RECQL: variants seen among roughly 807,000 people sequenced by gnomAD.
RECQL encodes the protein RecQ like helicase.
RECQL carries 73 observed loss-of-function variants against 75.8 expected under a neutral mutation model. The observed-to-expected ratio is 0.96, with a 90% confidence interval of 0.80 to 1.17. The LOEUF (loss-of-function observed/expected upper bound fraction) is 1.17. Ranked by LOEUF, RECQL falls within the 50% of genes most tolerant of loss-of-function variation. The pLI is 0.00. For missense variants in RECQL, 699 were observed against 772.1 expected (o/e 0.91, Z 1.12); for synonymous variants, 248 against 254.4 (o/e 0.97, Z 0.24).
At position 21,477,008 on chromosome 12, in the gene RECQL, C is replaced by G; in HGVS notation, c.868-16G>C. The G allele has an allele frequency of 1.3e-6, 2 of 1,590,070 alleles. No individual in the cohort carries two copies. The highest frequency in any genetic ancestry group is 2.3e-5 in the South Asian group (2 of 87,782). On this transcript the variant is annotated splice_polypyrimidine_tract_variant and intron_variant, in intron 7 of 14. Coordinates refer to ENST00000444129, the MANE Select transcript of RECQL (RefSeq NM_002907.4). ...TCTGCCGAACCTAAAAAAAACTTAA[C>G]TTATTAAAAAGTAAATGAATGAGTA...
In RECQL at chr12:21,474,908, C is replaced by T; in HGVS notation, c.1288G>A (p.Val430Met). 6.2e-7 allele frequency: 1 copy of T among 1,613,138 alleles called. No homozygotes were observed. Among genetic ancestry groups the T allele is most frequent in the Non-Finnish European group, 8.5e-7 (1 of 1,179,186 alleles). The change falls in exon 11 of 15, where the codon GTG becomes ATG. Residue 430 changes from valine (V) to methionine (M), a missense_variant. By Grantham distance (21) the Val-to-Met change is conservative. This residue lies in a region of RECQL where 669 missense variants were observed against 713.5 expected (regional missense o/e 0.94). Coordinates refer to ENST00000444129, the MANE Select transcript of RECQL (RefSeq NM_002907.4). ...FGDIFRISSMVVMENVGQQKL... is the reference protein window; with the variant it reads ...FGDIFRISSMMVMENVGQQKL... ...TGCTGTCCCACATTTTCCATCACCA[C>T]CATTGAACTTATTCTGAATATATCT...
intron 12 of RECQL, 98 bp downstream of exon 12, chr12:21,473,453 G>A: frequency 4.5e-6 from 4 of 896,052 alleles, no homozygotes; most frequent in South Asian, 4.4e-5. Flanking sequence ...TTTGCACAAT[G>A]ACAAAATCAC....
intron 12 of RECQL, among the ~76,000 whole-genome samples, chr12:21,472,497 T>C (rs889301763): frequency 1.3e-5 from 2 of 151,756 alleles, no homozygotes; most frequent in African/African-American, 4.8e-5. Context: ...CTTAGTTATA[T>C]GCTAAATAAG....
At chr12:21,497,142 C>T (rs1190517334) in intron 2 of RECQL, among the ~76,000 whole-genome samples, 3 of 152,130 alleles carry the variant, frequency 2.0e-5, no homozygotes, top group Non-Finnish European at 4.4e-5. Flanking sequence ...TGTCATCCGA[C>T]CCATCAATTC....
At position 21,470,350 on chromosome 12, in the gene RECQL, C is replaced by CCAAA; in HGVS notation, c.1798-5_1798-4insTTTG. ...GACAAGTTTGAGACGATTCAGCCTA[C>CCAAA]AAAAAAAAAAAAAAAACAAAGCAAG... On this transcript the variant is annotated splice_region_variant and splice_polypyrimidine_tract_variant and intron_variant, in intron 14 of 14. Transcript: ENST00000444129. 1 of 1,250,702 alleles carries CCAAA rather than the reference C, an allele frequency of 8.0e-7. No homozygotes were observed. The highest frequency in any genetic ancestry group is 1.0e-6 in the Non-Finnish European group (1 of 998,574). 77.5% of individuals were successfully genotyped at this position (1,250,702 alleles called of 1,614,324 possible). A position where few individuals can be genotyped will look rare whatever the true frequency, so the allele number is the denominator to read the frequency against.
At chr12:21,493,704 C>T (rs1943453835) in intron 2 of RECQL, among the ~76,000 whole-genome samples, 1 of 152,162 alleles carries the variant, frequency 6.6e-6, no homozygotes, top group South Asian at 2.1e-4. Context: ...CAAGTCTCTT[C>T]TACCCTGCCT....
intron 9 of RECQL, 28 bp from the exon 10 acceptor site, chr12:21,475,613 A>C: frequency 1.2e-6 from 2 of 1,607,438 alleles, no homozygotes; most frequent in East Asian, 2.2e-5. Context: ...TTTATCAGTT[A>C]ATTAAATCAA....
intron 2 of RECQL, 72 bp downstream of exon 2, chr12:21,499,483 C>CA: frequency 1.5e-6 from 2 of 1,360,478 alleles, no homozygotes; most frequent in Non-Finnish European, 2.0e-6. Flanking sequence ...ATTTTTAAAA[C>CA]AAACTTTTTC....
intron 14 of RECQL, chr12:21,470,655 A>G: frequency 3.2e-6 from 1 of 313,958 alleles, no homozygotes; most frequent in Non-Finnish European, 5.7e-6. Flanking sequence ...CTGGAACAGC[A>G]GAAACAGACT....
chr12:21,479,310 C>T (rs976738760), intron 6 of RECQL, among the ~76,000 whole-genome samples: 4 of 151,688 alleles, frequency 2.6e-5, no homozygotes, highest in African/African-American at 9.7e-5. Context: ...TGATTCTAAG[C>T]TGAGACTTTA....
chr12:21,473,689 T>C, intron 11 of RECQL, 47 bp from the exon 12 acceptor site: 1 of 1,508,310 alleles, frequency 6.6e-7, no homozygotes, highest in Non-Finnish European at 9.1e-7. Context: ...TATAATAAAG[T>C]TTTAAGAATC....
chr12:21,491,747 G>C (rs1451129048), intron 2 of RECQL, 31 bp from the exon 3 acceptor site: 1 of 1,557,370 alleles, frequency 6.4e-7, no homozygotes, highest in Admixed American at 2.0e-5. Context: ...ACAATGATTA[G>C]ACAGAGTAAA....
At chr12:21,492,836 T>G (rs764801477) in intron 2 of RECQL, among the ~76,000 whole-genome samples, 2 of 152,210 alleles carry the variant, frequency 1.3e-5, no homozygotes, top group Admixed American at 6.5e-5. Flanking sequence ...CAACCTTCTG[T>G]GACAAGTGCA....
At chr12:21,499,468 T>A in intron 2 of RECQL, 87 bp downstream of exon 2, 2 of 1,235,104 alleles carry the variant, frequency 1.6e-6, no homozygotes, top group Non-Finnish European at 1.1e-6. Context: ...ATTTCTATAA[T>A]CAGAATTTTT....
At position 21,486,538 on chromosome 12, in the gene RECQL, A is replaced by G; in HGVS notation, c.442T>C (p.Leu148=). The change falls in exon 5 of 15, where the codon TTA becomes CTA. Residue 148 remains leucine (L), a synonymous_variant. Coordinates refer to ENST00000444129, the MANE Select transcript of RECQL (RefSeq NM_002907.4). The part of the protein sequence containing the change: ...CPLISLMEDQ[L]MVLKQLGISA... ...ATTCCTAATTGTTTTAAAACCATTAATTGGTCTTCCATAAGAGAGATCAAT... is the reference window on the plus strand; with the variant it reads ...ATTCCTAATTGTTTTAAAACCATTAGTTGGTCTTCCATAAGAGAGATCAAT... The G allele has an allele frequency of 6.2e-7, 1 of 1,606,208 alleles. No homozygotes were observed.
At chr12:21,489,688 C>T (rs1386076589) in intron 4 of RECQL, among the ~76,000 whole-genome samples, 1 of 152,006 alleles carries the variant, frequency 6.6e-6, no homozygotes, top group African/African-American at 2.4e-5. Flanking sequence ...GTTTTTTTGC[C>T]CCTTGTATCT....
intron 4 of RECQL, 83 bp from the exon 5 acceptor site, chr12:21,486,668 T>TTG (rs1943309458): frequency 9.3e-7 from 1 of 1,071,280 alleles, no homozygotes; most frequent in African/African-American, 1.9e-5. Flanking sequence ...TTTTTTTTTT[T>TTG]TTTTTTTTTT....
In RECQL at chr12:21,470,148, T is replaced by C; in HGVS notation, c.*46A>G. On this transcript the variant is annotated 3_prime_UTR_variant, in exon 15 of 15. Coordinates refer to ENST00000444129, the MANE Select transcript of RECQL (RefSeq NM_002907.4). ...GTCTAACTACAAAAATAATGGCATATACATGCATAAACCATCTTTAATTAG... is the reference window on the plus strand; with the variant it reads ...GTCTAACTACAAAAATAATGGCATACACATGCATAAACCATCTTTAATTAG... 1 of 1,601,962 alleles carries C rather than the reference T, an allele frequency of 6.2e-7. No individual in the cohort carries two copies. The highest frequency in any genetic ancestry group is 8.5e-7 in the Non-Finnish European group (1 of 1,174,334).
chr12:21,498,969 G>C (rs574574970), intron 2 of RECQL, among the ~76,000 whole-genome samples: 1 of 152,000 alleles, frequency 6.6e-6, no homozygotes, highest in African/African-American at 2.4e-5. Flanking sequence ...GTCCCTCTCC[G>C]ATACATTACA....
Sources: gnomAD v4.1 joint callset for allele counts (sites outside exome capture counted in the v4.1 genomes callset) on GRCh38, gnomAD v4.1.1 for gene constraint, gnomAD v4.1.1 regional missense constraint, MANE v1.5 for transcripts, NCBI Gene and HGNC (gene_info 2026-07-23, HGNC 2026-07-21) for gene names.